ENGASE: variants seen among roughly 807,000 people sequenced by gnomAD.
ENGASE encodes the protein endo-beta-N-acetylglucosaminidase, also known as cytosolic endo-beta-N-acetylglucosaminidase.
ENGASE carries 69 observed loss-of-function variants against 78.5 expected under a neutral mutation model. The ratio of observed to expected loss-of-function variants is 0.88; its 90% CI spans 0.72 to 1.07. The LOEUF (loss-of-function observed/expected upper bound fraction) is 1.07. ENGASE is among the 50% of genes least tolerant of loss of function. ENGASE has a pLI of 0.00. For synonymous variants in ENGASE, 408 were observed against 408.9 expected (o/e 1.00, Z 0.03); for missense variants, 943 against 988.4 (o/e 0.95, Z 0.62).
chr17:79,086,443 C>T lies in ENGASE; in HGVS notation c.*94C>T. 7.0e-7 allele frequency: 1 copy of T among 1,433,202 alleles called. No individual in the cohort carries two copies. Among genetic ancestry groups the T allele is most frequent in the Admixed American group, 2.4e-5 (1 of 41,368 alleles). The allele number at this position is 1,433,202 out of a possible 1,614,324, so 88.8% of individuals were successfully genotyped here. On this transcript the variant is annotated 3_prime_UTR_variant, in exon 14 of 14. Transcript: ENST00000579016. Reference sequence around the variant, plus strand: ...CTGCGCTGGACCTGCTAAGTGCCCACAGTGGCAGCGAGGTCCCGGTCCCGG... The same window carrying T: ...CTGCGCTGGACCTGCTAAGTGCCCATAGTGGCAGCGAGGTCCCGGTCCCGG...
chr17:79,080,980 A>G lies in ENGASE; in HGVS notation c.779A>G (p.His260Arg). Residue 260 changes from histidine to arginine, a missense_variant, in exon 6 of 14, where the codon CAC (histidine) becomes CGC (arginine). By Grantham distance (29) the His-to-Arg change is conservative (BLOSUM62 0). Coordinates refer to ENST00000579016, the MANE Select transcript of ENGASE (RefSeq NM_001042573.3). ...CTGCGGTACCTCACCACACAGCTGC[A>G]CCGGCAGGTCCCAGGGGGCCTGGTG... Reference protein sequence around the residue: ...PFLRYLTTQLHRQVPGGLVLW... With the variant: ...PFLRYLTTQLRRQVPGGLVLW... 6.2e-7 allele frequency: 1 copy of G among 1,613,388 alleles called. No homozygotes were observed. The highest frequency in any genetic ancestry group is 8.5e-7 in the Non-Finnish European group (1 of 1,179,984).
intron 13 of ENGASE, 37 bp from the exon 14 acceptor site, chr17:79,085,896 C>G: frequency 6.3e-7 from 1 of 1,575,072 alleles, no homozygotes; most frequent in Non-Finnish European, 8.6e-7. Context: ...TCCCCGCCCC[C>G]GGGCGTCCAG....
intron 13 of ENGASE, 58 bp downstream of exon 13, chr17:79,085,792 G>T (rs1472997421): frequency 6.2e-7 from 1 of 1,603,448 alleles, no homozygotes; most frequent in Non-Finnish European, 8.5e-7. Context: ...TGGAGTGGGG[G>T]TGGAGGCCGC....
intron 4 of ENGASE, among the ~76,000 whole-genome samples, chr17:79,079,932 T>G (rs774546311): frequency 2.6e-5 from 4 of 152,268 alleles, no homozygotes; most frequent in Non-Finnish European, 5.9e-5. Flanking sequence ...CAGGTAGTAG[T>G]GGGCATCGGC....
chr17:79,079,121 G>A lies in ENGASE; in HGVS notation c.417-368G>A, dbSNP rs181500366. Among the ~76,000 whole-genome samples the A allele has an allele frequency of 2.6e-5, 4 of 152,224 alleles. No individual in the cohort carries two copies. The East Asian group carries it at 5.8e-4, about 22-fold the overall frequency. On this transcript the variant is annotated intron_variant, in intron 3 of 13. Transcript: ENST00000579016. ...AGAGAAACCTTTGGGGACACCCTGC[G>A]GTCTCCGTGTCCTTATTCTGCTTCC...
Position 79,085,652 on chromosome 17 carries a change from T to G in ENGASE, c.1733T>G (p.Leu578Arg). 6.2e-7 allele frequency: 1 copy of G among 1,613,980 alleles called. No individual in the cohort carries two copies. ...GAGGTGAGCCTGCGTGGGTGCCTGC[T>G]GCTAGACCTCCTCGTTTGCTTCTCA... is the stretch of plus-strand genomic sequence containing the variant. ...CYEVSLRGCL[L>R]LDLLVCFSRP... Residue 578 changes from leucine to arginine, a missense_variant, in exon 13 of 14, where the codon CTG (leucine) becomes CGG (arginine). Leu to Arg is a moderately radical substitution (Grantham distance 102). Transcript: ENST00000579016.
chr17:79,076,030 G>T (rs1274398988), intron 1 of ENGASE: 1 of 412,282 alleles, frequency 2.4e-6, no homozygotes, highest in East Asian at 1.6e-4. Flanking sequence ...ATCCGTCCCC[G>T]ACCCCTGCAG....
chr17:79,075,774 A>G (rs1452349623), intron 1 of ENGASE: 1 of 985,298 alleles, frequency 1.0e-6, no homozygotes, highest in Non-Finnish European at 1.2e-6. Flanking sequence ...GAGACTGCTG[A>G]GCATTTCAGA....
chr17:79,085,222 C>G lies in ENGASE; in HGVS notation c.1592-12C>G. The G allele has an allele frequency of 6.2e-7, 1 of 1,605,830 alleles. No individual in the cohort carries two copies. The highest frequency in any genetic ancestry group is 8.5e-7 in the Non-Finnish European group (1 of 1,172,830). On this transcript the variant is annotated splice_polypyrimidine_tract_variant and intron_variant, in intron 11 of 13. Transcript: ENST00000579016. ...GATTCTCCTTTTTCAAGTTCCGTGT[C>G]TCCTTCTGCAGCAGAAACAAGCTCA...
At chr17:79,080,152 G>A in intron 4 of ENGASE, 55 bp from the exon 5 acceptor site, 3 of 1,541,378 alleles carry the variant, frequency 1.9e-6, no homozygotes, top group Middle Eastern at 1.7e-4. Context: ...TGAAAACTGT[G>A]GGTGGAGGGA....
chr17:79,077,698 A>G lies in ENGASE; in HGVS notation c.250A>G (p.Ser84Gly). Residue 84 changes from serine to glycine, a missense_variant, in exon 3 of 14, where the codon AGC becomes GGC. Coordinates refer to ENST00000579016, the MANE Select transcript of ENGASE (RefSeq NM_001042573.3). The part of the protein sequence containing the change: ...YYDKDTTKPI[S>G]FYLSSLEELL... Reference sequence around the variant, plus strand: ...TGACAAGGACACCACCAAACCAATCAGCTTTTACTTGTCTTCGCTGGAGGA... The same window carrying G: ...TGACAAGGACACCACCAAACCAATCGGCTTTTACTTGTCTTCGCTGGAGGA... 1 of 1,614,210 alleles carries G rather than the reference A, an allele frequency of 6.2e-7. No homozygotes were observed. The highest frequency in any genetic ancestry group is 2.2e-5 in the East Asian group (1 of 44,874).
intron 3 of ENGASE, among the ~76,000 whole-genome samples, chr17:79,078,119 C>A (rs1368681915): frequency 6.6e-6 from 1 of 152,126 alleles, no homozygotes; most frequent in African/African-American, 2.4e-5. Flanking sequence ...GCAGGTGGGT[C>A]ACCTGACCTC....
At chr17:79,080,896 G>A (rs2073115308) in intron 5 of ENGASE, 29 bp from the exon 6 acceptor site, 1 of 1,595,552 alleles carries the variant, frequency 6.3e-7, no homozygotes, top group Admixed American at 1.7e-5. Flanking sequence ...GGGGCTCACT[G>A]AGGCTCTCAC....
Position 79,080,326 on chromosome 17 carries a change from T to G in ENGASE, c.685T>G (p.Phe229Val). 6.2e-7 allele frequency: 1 copy of G among 1,613,912 alleles called. No homozygotes were observed. The highest frequency in any genetic ancestry group is 8.5e-7 in the Non-Finnish European group (1 of 1,179,996). The change falls in exon 5 of 14, where the codon TTT becomes GTT. Residue 229 changes from phenylalanine to valine, a missense_variant. By Grantham distance (50) the Phe-to-Val change is conservative. Transcript: ENST00000579016. ...RLVQITQFFR[F>V]DGWLINIENS... Reference sequence around the variant, plus strand: ...GGTCCAGATCACTCAGTTTTTTCGTTTTGATGGCTGGCTGATCAACATCGA... The same window carrying G: ...GGTCCAGATCACTCAGTTTTTTCGTGTTGATGGCTGGCTGATCAACATCGA...
At position 79,088,430 on chromosome 17, in the gene ENGASE, G is replaced by C. The variant is rs1009483415; in HGVS notation, c.*2081G>C. The stretch of plus-strand genomic sequence containing the variant: ...AGTCTGGTGAGCAGGCAATTAATTA[G>C]GAGTAAGGGGGCCTAGTAGAGCGTG... On this transcript the variant is annotated 3_prime_UTR_variant, in exon 14 of 14. Coordinates refer to ENST00000579016, the MANE Select transcript of ENGASE (RefSeq NM_001042573.3). The C allele has an allele frequency of 6.6e-6, 1 of 152,226 alleles. No homozygotes were observed. The highest frequency in any genetic ancestry group is 1.5e-5 in the Non-Finnish European group (1 of 68,046). 9.4% of individuals were successfully genotyped at this position (152,226 alleles called of 1,614,324 possible).
chr17:79,082,471 T>C, intron 7 of ENGASE: 1 of 1,203,716 alleles, frequency 8.3e-7, no homozygotes, highest in African/African-American at 1.6e-5. Flanking sequence ...GTGCCCAGGG[T>C]TTGGGGATCG....
chr17:79,085,614 C>G lies in ENGASE; in HGVS notation c.1701-6C>G. The G allele has an allele frequency of 6.2e-7, 1 of 1,613,412 alleles. No individual in the cohort carries two copies. The highest frequency in any genetic ancestry group is 8.5e-7 in the Non-Finnish European group (1 of 1,179,970). ...CCGGCCAGTGATCAGCCCTTTCGCCCCGTAGCTGCTACGAGGTGAGCCTGC... is the reference window on the plus strand; with the variant it reads ...CCGGCCAGTGATCAGCCCTTTCGCCGCGTAGCTGCTACGAGGTGAGCCTGC... On this transcript the variant is annotated splice_region_variant and splice_polypyrimidine_tract_variant and intron_variant, in intron 12 of 13. Transcript: ENST00000579016.
intron 1 of ENGASE, 32 bp downstream of exon 1, chr17:79,075,122 C>T: frequency 8.3e-7 from 1 of 1,203,768 alleles, no homozygotes; most frequent in African/African-American, 1.6e-5. Context: ...GAACCCCGAT[C>T]CGCGGGGCTG....
intron 1 of ENGASE, among the ~76,000 whole-genome samples, chr17:79,076,409 A>T (rs770880073): frequency 2.0e-5 from 3 of 152,172 alleles, no homozygotes; most frequent in Non-Finnish European, 4.4e-5. Context: ...TACTAAAAGT[A>T]CAAAATTAGT....
Sources: gnomAD v4.1 joint callset for allele counts (sites outside exome capture counted in the v4.1 genomes callset) on GRCh38, gnomAD v4.1.1 for gene constraint, MANE v1.5 for transcripts, NCBI Gene and HGNC (gene_info 2026-07-23, HGNC 2026-07-21) for gene names.